Variants in NASP observed in about 807,000 individuals in gnomAD.
The protein encoded by NASP is NASP histone chaperone.
Under a neutral mutation model 89.5 loss-of-function variants are expected in NASP, and 24 were observed. That is an observed-to-expected ratio of 0.27 (90% confidence interval 0.19 to 0.38). The LOEUF is 0.38. Ranked by LOEUF, NASP falls within the 10% of genes least tolerant of loss-of-function variation. The pLI, the probability that NASP is intolerant of heterozygous loss-of-function variation, is 1.00. For missense variants in NASP, 848 were observed against 921.4 expected, an observed-to-expected ratio of 0.92 and a Z score of 1.03; for synonymous variants, 306 against 324.7, an observed-to-expected ratio of 0.94 and a Z score of 0.62.
At chr1:45,584,472 G>T (rs1009650070) in intron 1 of NASP, among the ~76,000 whole-genome samples, 1 of 152,180 alleles carries the variant, frequency 6.6e-6, no homozygotes, top group Non-Finnish European at 1.5e-5. Context: ...TGTATCCTTC[G>T]CCTGCCCCTC....
chr1:45,586,262 GT>G (rs1423914839), intron 1 of NASP, among the ~76,000 whole-genome samples: 2 of 67,618 alleles, frequency 3.0e-5, no homozygotes, highest in East Asian at 8.4e-4. Flanking sequence ...GTGTGTGTGT[GT>G]GTGTGTGTGT....
Position 45,614,121 on chromosome 1 carries a change from A to G in NASP, c.1532A>G (p.Glu511Gly). The stretch of plus-strand genomic sequence containing the variant: ...TCTCTTCAAGAAAATGAGGAGGAGG[A>G]GATTGGGAACCTAGAGCTTGCCTGG... ...NKSLQENEEE[E>G]IGNLELAWDM... Residue 511 changes from glutamate to glycine, a missense_variant, in exon 8 of 15, where the codon GAG becomes GGG. By Grantham distance (98) the Glu-to-Gly change is moderately conservative (BLOSUM62 -2). Coordinates refer to ENST00000350030, the MANE Select transcript of NASP (RefSeq NM_002482.4). 6.2e-7 allele frequency: 1 copy of G among 1,609,092 alleles called. No individual in the cohort carries two copies. Among genetic ancestry groups the G allele is most frequent in the Non-Finnish European group, 8.5e-7 (1 of 1,175,458 alleles).
chr1:45,614,908 T>C, intron 9 of NASP, 105 bp from the exon 10 acceptor site: 1 of 983,820 alleles, frequency 1.0e-6, no homozygotes, highest in Non-Finnish European at 1.5e-6. Flanking sequence ...TAAACAAAAA[T>C]GGAATGTTAA....
rs1553173715 is a variant in NASP, at chr1:45,617,581, T to C, written c.2276T>C (p.Met759Thr). The C allele has an allele frequency of 5.7e-6, 9 of 1,592,684 alleles. No individual in the cohort carries two copies. The South Asian group carries it at 9.2e-5, about 16-fold the overall frequency. The change falls in exon 14 of 15, where the codon ATG becomes ACG. Residue 759 changes from methionine to threonine, a missense_variant. Physicochemically the swap from Met to Thr is moderately conservative, Grantham distance 81. Around this residue, in one of 5 missense-constraint regions of NASP, gnomAD observed 218 missense variants for 219.6 expected, o/e 0.99. Transcript: ENST00000350030. ...AGTGGAAATGAAGTTTCGGAAAACA[T>C]GGAGGAGGAGGTGGGCAGTTAAGCA... ...VPSGNEVSEN[M>T]EEEAENQAES...
intron 2 of NASP, 142 bp from the exon 3 acceptor site, chr1:45,602,112 GA>G: frequency 1.0e-6 from 1 of 956,300 alleles, no homozygotes; most frequent in East Asian, 3.1e-5. Flanking sequence ...TTGATTTTGT[GA>G]TGGTAAATAA....
At chr1:45,588,662 G>A (rs1342035865) in intron 1 of NASP, 2 of 449,360 alleles carry the variant, frequency 4.5e-6, no homozygotes, top group South Asian at 3.1e-5. Flanking sequence ...ATGAGCGGCC[G>A]GGCGCGGTGG....
At chr1:45,589,586 T>C (rs1482887498) in intron 1 of NASP, among the ~76,000 whole-genome samples, 1 of 152,152 alleles carries the variant, frequency 6.6e-6, no homozygotes, top group East Asian at 1.9e-4. Flanking sequence ...TAGTGACTAT[T>C]AGAATTAACA....
At position 45,609,209 on chromosome 1, in the gene NASP, C is replaced by T. The variant is rs1643961294; in HGVS notation, c.1426+872C>T. ...TGAGGATTCTACTGTATATAAGTTT[C>T]ATCTAACATTGGCATTAATAACCAC... On this transcript the variant is annotated intron_variant, in intron 6 of 14. Coordinates refer to ENST00000350030, the MANE Select transcript of NASP (RefSeq NM_002482.4). The T allele has an allele frequency of 2.6e-5, 4 of 152,188 alleles. No individual in the cohort carries two copies. The South Asian group carries it at 8.3e-4, about 31-fold the overall frequency. 9.4% of individuals were successfully genotyped at this position (152,188 alleles called of 1,614,324 possible).
chr1:45,586,298 T>TGTGGG (rs1557646712), intron 1 of NASP, among the ~76,000 whole-genome samples: 3 of 96,566 alleles, frequency 3.1e-5, no homozygotes, highest in South Asian at 3.2e-4. Flanking sequence ...TGTGTGTGTG[T>TGTGGG]GTGTGTGTGT....
chr1:45,616,846 GTGTTT>G (rs575926653), intron 13 of NASP, 143 bp downstream of exon 13: 61 of 809,080 alleles, frequency 7.5e-5, no homozygotes, highest in South Asian at 4.8e-4. Flanking sequence ...GGAGACTGTT[GTGTTT>G]TGTTTTGTTT....
intron 1 of NASP, among the ~76,000 whole-genome samples, 195 bp downstream of exon 1, chr1:45,584,400 G>T (rs1022527824): frequency 6.6e-6 from 1 of 152,234 alleles, no homozygotes; most frequent in Admixed American, 6.5e-5. Flanking sequence ...CGGTAACGGC[G>T]GTCGGCTGGC....
chr1:45,598,470 T>C lies in NASP; in HGVS notation c.108-3785T>C, dbSNP rs77151124. Among the ~76,000 whole-genome samples, 541 of 152,300 alleles carry C rather than the reference T, an allele frequency of 3.6e-3. 7 individuals carry two copies. The highest frequency in any genetic ancestry group is 0.035 in the East Asian group (181 of 5,186). On this transcript the variant is annotated intron_variant, in intron 2 of 14. Transcript: ENST00000350030. The stretch of plus-strand genomic sequence containing the variant: ...ATTCCCCTCAACCCCCATTCTTCCT[T>C]GTCGTCCCTACCTCTAAATGTTGGA...
At chr1:45,600,818 A>G (rs548904278) in intron 2 of NASP, among the ~76,000 whole-genome samples, 1 of 152,208 alleles carries the variant, frequency 6.6e-6, no homozygotes, top group East Asian at 1.9e-4. Flanking sequence ...TGACAGTTCT[A>G]GTTGCCCTAC....
intron 1 of NASP, among the ~76,000 whole-genome samples, chr1:45,586,270 GTGTGTGTGTGTGTGGTGT>G (rs1402696605): frequency 2.7e-4 from 17 of 62,360 alleles, no homozygotes; most frequent in Admixed American, 7.5e-4. Flanking sequence ...GTGTGTGTGT[GTGTGTGTGTGTGTGGTGT>G]GTGTGTGTGT....
chr1:45,586,283 TG>T (rs5773885), intron 1 of NASP, among the ~76,000 whole-genome samples: 36,891 of 81,858 alleles, frequency 0.45, 5,952 homozygotes, highest in East Asian at 0.47. Context: ...TGTGTGTGTG[TG>T]GTGTGTGTGT....
At position 45,613,245 on chromosome 1, in the gene NASP, C is replaced by T. The variant is rs201078344; in HGVS notation, c.1503C>T (p.Asn501=). ...TGCCAAATGATTCAGTCCTTGAAAA[C>T]AAGGTATGTTGTTAGCCACTCAGTA... ...EEMPNDSVLE[N]KSLQENEEEE... The change falls in exon 7 of 15, where the codon AAC becomes AAT. Residue 501 remains asparagine (N), a synonymous_variant. Coordinates refer to ENST00000350030, the MANE Select transcript of NASP (RefSeq NM_002482.4). 2.2e-5 allele frequency: 36 copies of T among 1,609,982 alleles called. No individual in the cohort carries two copies. Among genetic ancestry groups the T allele is most frequent in the Admixed American group, 5.1e-5 (3 of 59,342 alleles).
chr1:45,608,215 C>A lies in NASP; in HGVS notation c.1304C>A (p.Ala435Asp), dbSNP rs375329187. The A allele has an allele frequency of 1.9e-6, 3 of 1,614,006 alleles. No individual in the cohort carries two copies. In the African/African-American group the frequency reaches 4.0e-5, roughly 22 times the overall value. The change falls in exon 6 of 15, where the codon GCT becomes GAT. Residue 435 changes from alanine to aspartate, a missense_variant. Physicochemically the swap from Ala to Asp is moderately radical, Grantham distance 126 (BLOSUM62 -2). Coordinates refer to ENST00000350030, the MANE Select transcript of NASP (RefSeq NM_002482.4). ...TKLSVEESEA[A>D]GDGVDTKVAQ... is the part of the protein sequence containing the mutation. ...CTGTCTGTAGAAGAGTCTGAGGCAG[C>A]TGGAGATGGGGTTGATACCAAGGTA...
chr1:45,601,265 T>A (rs1643837203), intron 2 of NASP, among the ~76,000 whole-genome samples: 1 of 152,204 alleles, frequency 6.6e-6, no homozygotes, highest in South Asian at 2.1e-4. Context: ...TCACTAAGAT[T>A]TTATCCTGTA....
intron 11 of NASP, 129 bp from the exon 12 acceptor site, chr1:45,616,208 A>G: frequency 1.2e-6 from 1 of 815,384 alleles, no homozygotes; most frequent in South Asian, 1.5e-5. Flanking sequence ...GTAGAACTGG[A>G]TACTATATGG....
Sources: gnomAD v4.1 joint callset for allele counts (sites outside exome capture counted in the v4.1 genomes callset) on GRCh38, gnomAD v4.1.1 for gene constraint, gnomAD v4.1.1 regional missense constraint, MANE v1.5 for transcripts, NCBI Gene and HGNC (gene_info 2026-07-23, HGNC 2026-07-21) for gene names.